RNF144A: variants seen among roughly 807,000 people sequenced by gnomAD.
RNF144A encodes the protein E3 ubiquitin-protein ligase RNF144A.
Under a neutral mutation model 38.7 loss-of-function variants are expected in RNF144A, and 11 were observed. The ratio of observed to expected loss-of-function variants is 0.28; its 90% CI spans 0.18 to 0.47. The LOEUF is 0.47. Among genes scored for constraint, RNF144A ranks in the 20% least tolerant of loss-of-function variants. The pLI, the probability that RNF144A is intolerant of heterozygous loss-of-function variation, is 0.99. For synonymous variants in RNF144A, 149 were observed against 143.9 expected (o/e 1.04, Z -0.25); for missense variants, 316 against 377.2 (o/e 0.84, Z 1.34).
At chr2:7,034,396 AC>A (rs1203011877) in intron 8 of RNF144A, among the ~76,000 whole-genome samples, 1 of 151,966 alleles carries the variant, frequency 6.6e-6, no homozygotes, top group African/African-American at 2.4e-5. Context: ...GTGGACGCCC[AC>A]CCTCCTTAGG....
intron 7 of RNF144A, among the ~76,000 whole-genome samples, chr2:7,025,048 C>T (rs948175830): frequency 1.3e-5 from 2 of 152,176 alleles, no homozygotes; most frequent in African/African-American, 4.8e-5. Context: ...TTGACACTCA[C>T]ATCATCTACA....
chr2:6,962,086 G>T lies in RNF144A; in HGVS notation c.-12+20939G>T, dbSNP rs141533133. 6.8e-4 allele frequency among the ~76,000 whole-genome samples: 104 copies of T among 152,330 alleles called. No homozygotes were observed. The highest frequency in any genetic ancestry group is 2.5e-3 in the African/African-American group (102 of 41,580). ...CTACAGAGAGCGGTCCTGGAAAAAT[G>T]CGTTGTGGGATCCACGGTGAAATGC... On this transcript the variant is annotated intron_variant, in intron 2 of 8. Transcript: ENST00000320892. This position sits in a 1 kb window ranked among gnomAD's most constrained non-coding sequence, Gnocchi z 4.1.
At chr2:7,004,791 A>G (rs550772491) in intron 3 of RNF144A, among the ~76,000 whole-genome samples, 8 of 152,296 alleles carry the variant, frequency 5.3e-5, no homozygotes, top group African/African-American at 1.9e-4. Context: ...TTACAATAGC[A>G]TTTCACATAC....
At chr2:7,061,001 A>G (rs1451266302) in intron 6 of RNF144A, among the ~76,000 whole-genome samples, 1 of 152,192 alleles carries the variant, frequency 6.6e-6, no homozygotes, top group Non-Finnish European at 1.5e-5. Context: ...AATGATTTCT[A>G]GAAGGCTGGA....
At chr2:6,966,414 A>G (rs1435060447) in intron 2 of RNF144A, among the ~76,000 whole-genome samples, 3 of 152,214 alleles carry the variant, frequency 2.0e-5, no homozygotes, top group Non-Finnish European at 4.4e-5. Context: ...CCTTCTAGCT[A>G]GGATGCAGAA....
intron 8 of RNF144A, among the ~76,000 whole-genome samples, chr2:7,031,522 G>A (rs1047873710): frequency 1.1e-4 from 16 of 152,226 alleles, no homozygotes; most frequent in African/African-American, 3.9e-4. Context: ...TGAGTGGGAA[G>A]CTGCTGAGGG....
downstream of RNF144A, among the ~76,000 whole-genome samples, chr2:7,044,504 A>G (rs1013894967): frequency 6.6e-6 from 1 of 152,192 alleles, no homozygotes; most frequent in East Asian, 1.9e-4. Flanking sequence ...ATCAGGAAGC[A>G]TCTCATCCCC....
intron 5 of RNF144A, among the ~76,000 whole-genome samples, chr2:7,016,098 C>T (rs1220934681): frequency 2.6e-4 from 33 of 128,250 alleles, no homozygotes; most frequent in Non-Finnish European, 4.4e-4. Context: ...ATTGAGACCC[C>T]GTCTCTAAAA....
At chr2:7,012,961 G>A (rs770142881) in intron 3 of RNF144A, among the ~76,000 whole-genome samples, 1 of 152,220 alleles carries the variant, frequency 6.6e-6, no homozygotes, top group Non-Finnish European at 1.5e-5. Context: ...AGGGTTCAGT[G>A]TGGAGCCACC....
chr2:7,071,627 A>G (rs561118616), downstream of RNF144A, among the ~76,000 whole-genome samples: 14 of 152,336 alleles, frequency 9.2e-5, no homozygotes, highest in South Asian at 2.3e-3. Flanking sequence ...GAGGCCTGGC[A>G]TTTACTAATT....
intron 1 of RNF144A, among the ~76,000 whole-genome samples, chr2:6,923,707 C>T (rs1664687892): frequency 6.6e-6 from 1 of 152,148 alleles, no homozygotes; most frequent in Admixed American, 6.5e-5. Flanking sequence ...CTCCAGGGTC[C>T]AGGCCAGGTC....
At chr2:6,937,121 A>G (rs1665641726) in intron 1 of RNF144A, among the ~76,000 whole-genome samples, 2 of 152,196 alleles carry the variant, frequency 1.3e-5, no homozygotes, top group African/African-American at 4.8e-5. Context: ...GTATTGAGGG[A>G]CTGACCACTC....
intron 8 of RNF144A, among the ~76,000 whole-genome samples, chr2:7,031,933 A>T (rs1279782908): frequency 6.6e-6 from 1 of 152,270 alleles, no homozygotes; most frequent in Non-Finnish European, 1.5e-5. Context: ...AACTGTTTAC[A>T]CAGGCAGGTG....
intron 3 of RNF144A, among the ~76,000 whole-genome samples, chr2:7,005,664 C>T (rs894827712): frequency 6.6e-6 from 1 of 152,216 alleles, no homozygotes; most frequent in Non-Finnish European, 1.5e-5. Context: ...CACCCGTACC[C>T]CTCAGATTCC....
At chr2:7,035,292 G>A (rs1051855292) in intron 8 of RNF144A, among the ~76,000 whole-genome samples, 3 of 152,196 alleles carry the variant, frequency 2.0e-5, no homozygotes, top group Non-Finnish European at 4.4e-5. Flanking sequence ...GCTGAGCAGC[G>A]TCTTTGGAAT....
rs1042650515 is a variant in RNF144A, at chr2:7,042,558, T to G, written c.*2798T>G. On this transcript the variant is annotated 3_prime_UTR_variant, in exon 9 of 9. Transcript: ENST00000320892. ...CCAGTGAGGACTGGCCTTAGCCCAG[T>G]GGACCTGTGGCTTCTCTGAGGCCCT... The G allele has an allele frequency of 1.5e-5, 15 of 985,420 alleles. No homozygotes were observed. Among genetic ancestry groups the G allele is most frequent in the Non-Finnish European group, 6.0e-6 (5 of 830,004 alleles). 61.0% of individuals were successfully genotyped at this position (985,420 alleles called of 1,614,324 possible).
At chr2:6,925,596 C>T (rs925071636) in intron 1 of RNF144A, among the ~76,000 whole-genome samples, 1 of 152,166 alleles carries the variant, frequency 6.6e-6, no homozygotes. Flanking sequence ...GGGCAAGCCG[C>T]AGGTAAAGGG....
chr2:7,002,055 G>A (rs1670143086), intron 3 of RNF144A, among the ~76,000 whole-genome samples: 1 of 152,082 alleles, frequency 6.6e-6, no homozygotes, highest in Admixed American at 6.5e-5. Context: ...CATTGACCTG[G>A]TATGCTGCAG....
At chr2:7,061,202 C>T (rs1199019497) in intron 6 of RNF144A, among the ~76,000 whole-genome samples, 2 of 152,148 alleles carry the variant, frequency 1.3e-5, no homozygotes, top group Admixed American at 1.3e-4. Flanking sequence ...GACGTCCAGG[C>T]AAAAGAGGAA....
Sources: allele counts gnomAD v4.1 joint callset (sites outside exome capture counted in the v4.1 genomes callset), GRCh38; gene constraint gnomAD v4.1.1; non-coding constraint Gnocchi (gnomAD v3.1); transcripts MANE v1.5; gene names NCBI Gene and HGNC (gene_info 2026-07-23, HGNC 2026-07-21).